COPA: variants seen among roughly 807,000 people sequenced by gnomAD.
COPA encodes coat protein complex I subunit alpha.
In COPA, 10 loss-of-function variants were observed where a neutral mutation model predicts 158.7. The ratio of observed to expected loss-of-function variants is 0.06; its 90% CI spans 0.04 to 0.11. COPA has a LOEUF of 0.11. Ranked by LOEUF, COPA falls within the 10% of genes least tolerant of loss-of-function variation. The pLI, the probability that COPA is intolerant of heterozygous loss-of-function variation, is 1.00. For missense variants in COPA, 1,065 were observed against 1,536.7 expected, an observed-to-expected ratio of 0.69 and a Z score of 5.13; for synonymous variants, 462 against 542.8, an observed-to-expected ratio of 0.85 and a Z score of 2.07.
At chr1:160,298,651 T>G (rs956383597) in intron 19 of COPA, among the ~76,000 whole-genome samples, 194 bp downstream of exon 19, 1 of 152,142 alleles carries the variant, frequency 6.6e-6, no homozygotes, top group Non-Finnish European at 1.5e-5. Flanking sequence ...AGAAATGCGG[T>G]GGCAGAAGCA....
chr1:160,297,159 T>C (rs543658369), intron 21 of COPA, among the ~76,000 whole-genome samples, 184 bp downstream of exon 21: 1 of 152,318 alleles, frequency 6.6e-6, no homozygotes, highest in Non-Finnish European at 1.5e-5. Flanking sequence ...CTGGACTGAA[T>C]ATTCTGGCTG....
rs1309317228 is a variant in COPA, at chr1:160,288,765, T to A, written c.*1392A>T. 7.9e-5 allele frequency among the ~76,000 whole-genome samples: 12 copies of A among 152,158 alleles called. No homozygotes were observed. Among genetic ancestry groups the A allele is most frequent in the Non-Finnish European group, 1.6e-4 (11 of 68,038 alleles). Reference sequence around the variant, plus strand: ...AATCATTGTATCATTGTAATATATATAAAGTACTATTCTTTTATCTGTATA... The same window carrying A: ...AATCATTGTATCATTGTAATATATAAAAAGTACTATTCTTTTATCTGTATA... On this transcript the variant is annotated 3_prime_UTR_variant, in exon 33 of 33. Coordinates refer to ENST00000241704, the MANE Select transcript of COPA (RefSeq NM_004371.4).
At chr1:160,323,568 G>A (rs1404182778) in intron 7 of COPA, 38 bp from the exon 8 acceptor site, 2 of 1,510,624 alleles carry the variant, frequency 1.3e-6, no homozygotes, top group East Asian at 2.3e-5. Context: ...CATCTTTATA[G>A]TCATTACTCA....
intron 8 of COPA, 106 bp from the exon 9 acceptor site, chr1:160,314,231 G>T: frequency 8.3e-7 from 1 of 1,201,928 alleles, no homozygotes; most frequent in Non-Finnish European, 1.1e-6. Context: ...ATTACAGAAT[G>T]CTAAATTGCC....
In COPA at chr1:160,318,827, A is replaced by AT. The variant is rs934426687; in HGVS notation, c.706+4603dup. ...TAAAATACCTTATTCTATCTATAAG[A>AT]TTTTTTTTTGTGAATCTCATGGTAA... On this transcript the variant is annotated intron_variant, in intron 8 of 32. Transcript: ENST00000241704. 9.4e-5 allele frequency among the ~76,000 whole-genome samples: 14 copies of AT among 149,582 alleles called. No homozygotes were observed. In the Middle Eastern group the frequency reaches 0.014, roughly 146 times the overall value.
chr1:160,310,316 G>T, intron 11 of COPA, 58 bp from the exon 12 acceptor site: 1 of 1,074,706 alleles, frequency 9.3e-7, no homozygotes, highest in South Asian at 1.5e-5. Flanking sequence ...ATAGAAGGAA[G>T]AAAGGAATCA....
At position 160,299,005 on chromosome 1, in the gene COPA, G is replaced by A. The variant is rs1658505679; in HGVS notation, c.1831-14C>T. ...CATGTGCAGTACCTAGACATTTGGG[G>A]TGGAGTCGGGCAAGAAGTAGACATC... On this transcript the variant is annotated splice_polypyrimidine_tract_variant and intron_variant, in intron 18 of 32. Coordinates refer to ENST00000241704, the MANE Select transcript of COPA (RefSeq NM_004371.4). The A allele has an allele frequency of 1.2e-6, 2 of 1,612,838 alleles. No homozygotes were observed. The highest frequency in any genetic ancestry group is 1.1e-5 in the South Asian group (1 of 91,048).
intron 21 of COPA, 32 bp from the exon 22 acceptor site, chr1:160,296,181 A>G (rs777366543): frequency 1.3e-5 from 21 of 1,588,398 alleles, no homozygotes; most frequent in Non-Finnish European, 2.6e-6. Context: ...TGGTATAGGT[A>G]CATTTCCAAA....
intron 7 of COPA, among the ~76,000 whole-genome samples, chr1:160,324,402 T>C (rs1659427748): frequency 6.6e-6 from 1 of 151,224 alleles, no homozygotes; most frequent in Non-Finnish European, 1.5e-5. Context: ...GATCAAGTGA[T>C]TCTCCTACCT....
intron 5 of COPA, 85 bp downstream of exon 5, chr1:160,333,518 G>T: frequency 1.1e-6 from 1 of 930,898 alleles, no homozygotes; most frequent in Non-Finnish European, 1.7e-6. Context: ...CATTTGAGAA[G>T]GGAGAAGATT....
Position 160,294,868 on chromosome 1 carries a change from A to G in COPA, c.2477-11T>C. On this transcript the variant is annotated splice_polypyrimidine_tract_variant and intron_variant, in intron 23 of 32. Transcript: ENST00000241704. ...GTGCTCCTCCCTTCCCTACAGAGGG[A>G]AGGAACAGAACGGAACTGGTTATAG... 6.2e-7 allele frequency: 1 copy of G among 1,613,042 alleles called. No homozygotes were observed. The highest frequency in any genetic ancestry group is 8.5e-7 in the Non-Finnish European group (1 of 1,179,028).
At chr1:160,292,447 C>A in intron 28 of COPA, 37 bp downstream of exon 28, 1 of 1,612,632 alleles carries the variant, frequency 6.2e-7, no homozygotes, top group East Asian at 2.2e-5. Flanking sequence ...TCGACCACAA[C>A]TTGGAACAGA....
At chr1:160,303,118 G>C (rs1247797816) in intron 17 of COPA, among the ~76,000 whole-genome samples, 1 of 152,108 alleles carries the variant, frequency 6.6e-6, no homozygotes, top group Non-Finnish European at 1.5e-5. Flanking sequence ...AGAATCACTT[G>C]AACCTGGGAA....
intron 8 of COPA, among the ~76,000 whole-genome samples, chr1:160,317,914 T>C (rs1659198766): frequency 6.6e-6 from 1 of 152,200 alleles, no homozygotes; most frequent in South Asian, 2.1e-4. Flanking sequence ...CCCTTCATAT[T>C]ACCCTCTCCT....
chr1:160,335,679 CG>C (rs1446692636), intron 3 of COPA, among the ~76,000 whole-genome samples: 1 of 150,898 alleles, frequency 6.6e-6, no homozygotes, highest in African/African-American at 2.4e-5. Context: ...GTCAGGAGAT[CG>C]AGACCATCCT....
In COPA at chr1:160,314,020, T is replaced by C. The variant is rs370326354; in HGVS notation, c.812A>G (p.Lys271Arg). 1 of 1,613,962 alleles carries C rather than the reference T, an allele frequency of 6.2e-7. No homozygotes were observed. The highest frequency in any genetic ancestry group is 1.1e-5 in the South Asian group (1 of 91,054). ...QELILSNSED[K>R]SIRVWDMSKR... ...AGACATATCCCAGACTCGAATACTC[T>C]TGTCCTCAGAATTGCTGAGGATCAA... The change falls in exon 9 of 33, where the codon AAG becomes AGG. Residue 271 changes from lysine (K) to arginine (R), a missense_variant. Physicochemically the swap from Lys to Arg is conservative, Grantham distance 26. This residue lies in a region of COPA where 980 missense variants were observed against 1,357.8 expected (regional missense o/e 0.72). Transcript: ENST00000241704.
intron 17 of COPA, 140 bp from the exon 18 acceptor site, chr1:160,299,404 G>T (rs974165775): frequency 3.9e-6 from 3 of 769,796 alleles, no homozygotes; most frequent in Non-Finnish European, 6.1e-6. Context: ...AAAAAGAGCA[G>T]AACTAAATGC....
At chr1:160,299,315 G>A (rs1442047280) in intron 17 of COPA, 51 bp from the exon 18 acceptor site, 1 of 1,542,654 alleles carries the variant, frequency 6.5e-7, no homozygotes, top group Admixed American at 1.8e-5. Flanking sequence ...AATCCATCCT[G>A]TGAAGAAACG....
chr1:160,337,509 C>T (rs528310672), intron 3 of COPA, among the ~76,000 whole-genome samples: 6 of 152,316 alleles, frequency 3.9e-5, no homozygotes, highest in South Asian at 2.1e-4. Flanking sequence ...GACCCGAGGT[C>T]GGGAGTTCAA....
Sources: gnomAD v4.1 joint callset for allele counts (sites outside exome capture counted in the v4.1 genomes callset) on GRCh38, gnomAD v4.1.1 for gene constraint, gnomAD v4.1.1 regional missense constraint, MANE v1.5 for transcripts, NCBI Gene and HGNC (gene_info 2026-07-23, HGNC 2026-07-21) for gene names.